HDX: variants seen among roughly 807,000 people sequenced by gnomAD.
The protein encoded by HDX is chromosome X open reading frame 43.
In HDX, 19 loss-of-function variants were observed where a neutral mutation model predicts 45.2. That is an observed-to-expected ratio of 0.42 (90% CI 0.29 to 0.62). The LOEUF (loss-of-function observed/expected upper bound fraction) is 0.62, where lower values mean the gene tolerates loss of function less well. HDX is among the 20% of genes least tolerant of loss of function. The pLI is 0.20. For synonymous variants in HDX, 188 were observed against 172.8 expected, an observed-to-expected ratio of 1.09 and a Z score of -0.69; for missense variants, 532 against 493.9, an observed-to-expected ratio of 1.08 and a Z score of -0.73.
At chrX:84,349,712 A>T (rs1190930267) in intron 6 of HDX, among the ~76,000 whole-genome samples, 1 of 103,570 alleles carries the variant, frequency 9.7e-6, no homozygotes, top group Non-Finnish European at 2.0e-5. Flanking sequence ...GTGCACACAC[A>T]CCATAGAATA....
chrX:84,446,518 G>A (rs749041750), intron 4 of HDX, among the ~76,000 whole-genome samples: 1 of 111,095 alleles, frequency 9.0e-6, no homozygotes, highest in Non-Finnish European at 1.9e-5. Context: ...TGAACCAAAA[G>A]ATAGGTTTTT....
chrX:84,458,292 A>T (rs1202040855), intron 4 of HDX, among the ~76,000 whole-genome samples: 1 of 111,256 alleles, frequency 9.0e-6, no homozygotes, highest in Non-Finnish European at 1.9e-5. Flanking sequence ...TCAAAAAAAA[A>T]ATCCACAAAA....
At chrX:84,340,012 A>G (rs1016505076) in intron 7 of HDX, among the ~76,000 whole-genome samples, 15 of 111,018 alleles carry the variant, frequency 1.4e-4, no homozygotes, top group African/African-American at 4.9e-4. Flanking sequence ...GAGCTCAGGT[A>G]GGTTTATTTG....
chrX:84,363,342 A>C (rs1051280367), intron 5 of HDX, among the ~76,000 whole-genome samples: 5 of 112,359 alleles, frequency 4.5e-5, no homozygotes, highest in African/African-American at 1.6e-4. Flanking sequence ...CAAATAATTC[A>C]TCATCACAGC....
intron 5 of HDX, among the ~76,000 whole-genome samples, chrX:84,395,838 C>G (rs1202555862): frequency 9.0e-6 from 1 of 111,335 alleles, no homozygotes; most frequent in Non-Finnish European, 1.9e-5. Context: ...ATTCTTTATT[C>G]TACTTGATTT....
At chrX:84,491,277 AG>A (rs2040888384) in intron 1 of HDX, among the ~76,000 whole-genome samples, 1 of 111,693 alleles carries the variant, frequency 9.0e-6, no homozygotes, top group South Asian at 3.7e-4. Flanking sequence ...TATGTATTAA[AG>A]TTCACTATAT....
intron 4 of HDX, among the ~76,000 whole-genome samples, chrX:84,441,058 A>G (rs1249972833): frequency 9.0e-6 from 1 of 111,305 alleles, no homozygotes; most frequent in Non-Finnish European, 1.9e-5. Context: ...ATACATGCTT[A>G]TGAAAAAGTT....
At position 84,320,002 on chromosome X, in the gene HDX, G is replaced by A. The variant is rs190402289; in HGVS notation, c.*1887C>T. ...ATAAGAAGGGGCTTAAATTGAAGCA[G>A]AAGTAATTATATTTGAAAGATAAAC... is the stretch of plus-strand genomic sequence containing the variant. On this transcript the variant is annotated 3_prime_UTR_variant, in exon 11 of 11. Transcript: ENST00000373177. The A allele has an allele frequency of 4.4e-4, 49 of 111,179 alleles. No homozygotes were observed. The highest frequency in any genetic ancestry group is 1.5e-3 in the African/African-American group (45 of 30,833). 9.2% of individuals were successfully genotyped at this position (111,179 alleles called of 1,213,427 possible).
At chrX:84,395,287 G>A (rs1238588151) in intron 5 of HDX, among the ~76,000 whole-genome samples, 3 of 109,706 alleles carry the variant, frequency 2.7e-5, no homozygotes, top group Non-Finnish European at 3.8e-5. Context: ...GCTTTTATTT[G>A]TCTGGAAAAT....
At chrX:84,482,173 AAT>A (rs1207911778) in intron 2 of HDX, among the ~76,000 whole-genome samples, 1 of 111,715 alleles carries the variant, frequency 9.0e-6, no homozygotes, top group Admixed American at 9.5e-5. Flanking sequence ...AGCTGAAATA[AAT>A]ATATGAGTCC....
At chrX:84,451,705 T>G (rs183663313) in intron 4 of HDX, among the ~76,000 whole-genome samples, 58 of 110,177 alleles carry the variant, frequency 5.3e-4, no homozygotes, top group Middle Eastern at 9.2e-3. Flanking sequence ...ATACCAACAC[T>G]AGACAAGGAT....
intron 5 of HDX, among the ~76,000 whole-genome samples, chrX:84,380,868 G>A (rs1308638496): frequency 3.6e-5 from 4 of 110,622 alleles, no homozygotes; most frequent in East Asian, 5.6e-4. Flanking sequence ...GTTCTAGGAA[G>A]AGCAATGAGA....
intron 5 of HDX, among the ~76,000 whole-genome samples, chrX:84,376,687 G>C (rs1395640956): frequency 8.9e-6 from 1 of 112,181 alleles, no homozygotes; most frequent in African/African-American, 3.2e-5. Context: ...AAAGTGGGAA[G>C]GACTGCATCT....
chrX:84,437,519 G>C (rs922377788), intron 5 of HDX, among the ~76,000 whole-genome samples: 1 of 111,235 alleles, frequency 9.0e-6, no homozygotes, highest in Non-Finnish European at 1.9e-5. Flanking sequence ...TCCAATAATA[G>C]TTCAACTTTC....
intron 1 of HDX, among the ~76,000 whole-genome samples, chrX:84,492,540 T>C (rs1166714230): frequency 9.0e-6 from 1 of 111,558 alleles, no homozygotes; most frequent in African/African-American, 3.3e-5. Flanking sequence ...ATAAAACCTG[T>C]CCTATTCTTC....
At chrX:84,436,649 T>G (rs2039643606) in intron 5 of HDX, among the ~76,000 whole-genome samples, 1 of 111,889 alleles carries the variant, frequency 8.9e-6, no homozygotes. Context: ...GTTTCTCTAT[T>G]ATTGATGCTC....
intron 9 of HDX, among the ~76,000 whole-genome samples, chrX:84,326,580 A>G (rs981695942): frequency 9.0e-6 from 1 of 110,767 alleles, no homozygotes; most frequent in African/African-American, 3.3e-5. Flanking sequence ...TCTTGGAAAG[A>G]CCCCTCCTAT....
intron 7 of HDX, among the ~76,000 whole-genome samples, chrX:84,343,986 A>C: frequency 9.0e-6 from 1 of 111,575 alleles, no homozygotes; most frequent in Non-Finnish European, 1.9e-5. Flanking sequence ...ATAAAATAAA[A>C]ATCATTTACT....
chrX:84,321,511 A>T lies in HDX; in HGVS notation c.*378T>A. On this transcript the variant is annotated 3_prime_UTR_variant, in exon 11 of 11. Transcript: ENST00000373177. ...TAGGAAAAGGAGAGAAGAAGAAAGAAGATGTAATGGCTACAAAAACAAGAC... is the reference window on the plus strand; with the variant it reads ...TAGGAAAAGGAGAGAAGAAGAAAGATGATGTAATGGCTACAAAAACAAGAC... 1 of 113,057 alleles carries T rather than the reference A, an allele frequency of 8.8e-6. No homozygotes were observed. The highest frequency in any genetic ancestry group is 9.5e-5 in the Admixed American group (1 of 10,480). The allele number at this position is 113,057 out of a possible 1,213,427, so 9.3% of individuals were successfully genotyped here.
Sources: gnomAD v4.1 joint callset for allele counts (sites outside exome capture counted in the v4.1 genomes callset) on GRCh38, gnomAD v4.1.1 for gene constraint, MANE v1.5 for transcripts, NCBI Gene and HGNC (gene_info 2026-07-23, HGNC 2026-07-21) for gene names.